The following TBC1D4 variants were observed in gnomAD, a reference collection of about 807,000 sequenced individuals.
The protein encoded by TBC1D4 is TBC (Tre-2, BUB2, CDC16) domain-containing protein.
A neutral mutation model predicts 142.5 loss-of-function variants in TBC1D4; 121 were observed. That is an observed-to-expected ratio of 0.85 (90% CI 0.73 to 0.99). TBC1D4 has a LOEUF of 0.99. TBC1D4 is among the 50% of genes least tolerant of loss of function. The pLI is 0.00. For missense variants in TBC1D4, 1,475 were observed against 1,606.6 expected, an observed-to-expected ratio of 0.92 and a Z score of 1.40; for synonymous variants, 630 against 628.2, an observed-to-expected ratio of 1.00 and a Z score of -0.04.
Position 75,362,358 on chromosome 13 carries a change from C to T in TBC1D4, c.748G>A (p.Glu250Lys). ...QGEQRGPDPGEDLADLEVVVP... is the reference protein window; with the variant it reads ...QGEQRGPDPGKDLADLEVVVP... ...ACCACCTCCAAGTCAGCCAGGTCCT[C>T]TCCTGGGTCCGGACCGCGCTGCTCC... Residue 250 changes from glutamate (E) to lysine (K), a missense_variant, in exon 2 of 21, where the codon GAG becomes AAG. By Grantham distance (56) the Glu-to-Lys change is moderately conservative. Around this residue, in one of 2 missense-constraint regions of TBC1D4, gnomAD observed 1,227 missense variants for 1,267.7 expected, o/e 0.97. Coordinates refer to ENST00000377636, the MANE Select transcript of TBC1D4 (RefSeq NM_014832.5). This position sits in a 1 kb window ranked among gnomAD's most constrained non-coding sequence, Gnocchi z 4.2. 6.2e-7 allele frequency: 1 copy of T among 1,614,230 alleles called. No individual in the cohort carries two copies. The highest frequency in any genetic ancestry group is 8.5e-7 in the Non-Finnish European group (1 of 1,180,052).
At chr13:75,412,233 T>C (rs1885705032) in intron 1 of TBC1D4, among the ~76,000 whole-genome samples, 1 of 152,144 alleles carries the variant, frequency 6.6e-6, no homozygotes, top group African/African-American at 2.4e-5. Context: ...AAGTAACCCC[T>C]TTATGGCTTC....
intron 1 of TBC1D4, among the ~76,000 whole-genome samples, chr13:75,408,613 G>T (rs1885450993): frequency 1.3e-5 from 2 of 152,100 alleles, no homozygotes; most frequent in African/African-American, 4.8e-5. Flanking sequence ...GAGTTAACTG[G>T]TAACTCTATG....
Position 75,481,418 on chromosome 13 carries a change from A to G in TBC1D4, c.350T>C (p.Phe117Ser), listed in dbSNP as rs755493386. The G allele has an allele frequency of 1.9e-6, 3 of 1,613,706 alleles. No individual in the cohort carries two copies. In the East Asian group the frequency reaches 6.7e-5, roughly 36 times the overall value. Reference protein sequence around the residue: ...PSATQPNPAVFIFEHKAQHIS... With the variant: ...PSATQPNPAVSIFEHKAQHIS... ...ATGCTGCGCCTTGTGCTCGAAGATGAATACCGCCGGGTTGGGCTGCGTGGC... is the reference window on the plus strand; with the variant it reads ...ATGCTGCGCCTTGTGCTCGAAGATGGATACCGCCGGGTTGGGCTGCGTGGC... The change falls in exon 1 of 21, where the codon TTC (phenylalanine) becomes TCC (serine). Residue 117 changes from phenylalanine to serine, a missense_variant. By Grantham distance (155) the Phe-to-Ser change is radical. This residue lies in a region of TBC1D4 where 1,227 missense variants were observed against 1,267.7 expected (regional missense o/e 0.97). Transcript: ENST00000377636.
intron 11 of TBC1D4, among the ~76,000 whole-genome samples, chr13:75,320,458 A>G (rs1878656627): frequency 6.6e-6 from 1 of 152,212 alleles, no homozygotes; most frequent in African/African-American, 2.4e-5. Context: ...TTACCATAAC[A>G]TTATATAAAA....
At chr13:75,374,069 C>T (rs1415988228) in intron 1 of TBC1D4, among the ~76,000 whole-genome samples, 3 of 152,176 alleles carry the variant, frequency 2.0e-5, no homozygotes, top group Non-Finnish European at 4.4e-5. Context: ...TATAATACTT[C>T]CACAAGCAAT....
intron 1 of TBC1D4, among the ~76,000 whole-genome samples, chr13:75,387,208 G>T (rs1884230580): frequency 6.6e-6 from 1 of 152,110 alleles, no homozygotes; most frequent in African/African-American, 2.4e-5. Context: ...ATAAAAGGTA[G>T]CTGGATTCCC....
At chr13:75,371,638 A>G (rs993575682) in intron 1 of TBC1D4, among the ~76,000 whole-genome samples, 1 of 152,154 alleles carries the variant, frequency 6.6e-6, no homozygotes, top group Non-Finnish European at 1.5e-5. Flanking sequence ...CATCTTTAGG[A>G]TCCTCAAGCT....
At chr13:75,364,158 G>T (rs575741338) in intron 1 of TBC1D4, among the ~76,000 whole-genome samples, 9 of 152,280 alleles carry the variant, frequency 5.9e-5, no homozygotes, top group East Asian at 1.9e-4. Context: ...ATTGGCAATT[G>T]GTTCCTAGAG....
At chr13:75,348,925 G>A (rs1269479203) in intron 5 of TBC1D4, among the ~76,000 whole-genome samples, 1 of 150,164 alleles carries the variant, frequency 6.7e-6, no homozygotes, top group Non-Finnish European at 1.5e-5. Context: ...GAGAGAGAGA[G>A]AGAGGAGAGA....
chr13:75,425,669 G>A (rs2138138722), intron 1 of TBC1D4, among the ~76,000 whole-genome samples: 1 of 152,240 alleles, frequency 6.6e-6, no homozygotes, highest in East Asian at 1.9e-4. Context: ...CAACAGCATG[G>A]ATGAACTTGG....
intron 8 of TBC1D4, among the ~76,000 whole-genome samples, chr13:75,336,399 G>T (rs1566393476): frequency 5.1e-5 from 7 of 137,570 alleles, no homozygotes; most frequent in East Asian, 2.1e-4. Flanking sequence ...TCGTCTCAAG[G>T]AAAAAAAAAA....
chr13:75,393,609 T>C (rs1265607890), intron 1 of TBC1D4, among the ~76,000 whole-genome samples: 2 of 152,104 alleles, frequency 1.3e-5, no homozygotes, highest in Non-Finnish European at 2.9e-5. Flanking sequence ...AGGTTCCACA[T>C]TCTTGGGGAA....
Position 75,312,667 on chromosome 13 carries a change from C to T in TBC1D4, c.2383+71G>A, listed in dbSNP as rs915065708. 5.0e-6 allele frequency: 8 copies of T among 1,585,120 alleles called. No homozygotes were observed. In the Admixed American group the frequency reaches 1.3e-4, roughly 26 times the overall value. On this transcript the variant is annotated intron_variant, in intron 13 of 20. Transcript: ENST00000377636. ...GTAATCACTTAAATCTCTTTATACA[C>T]AGCACGTGCATTCCATTAGCTAATT... is the stretch of plus-strand genomic sequence containing the variant.
chr13:75,304,776 G>GTA (rs1876993036), intron 15 of TBC1D4, among the ~76,000 whole-genome samples: 1 of 152,018 alleles, frequency 6.6e-6, no homozygotes, highest in African/African-American at 2.4e-5. Context: ...AAAGGGAGAT[G>GTA]GGAAATGAGA....
In TBC1D4 at chr13:75,481,564, C is replaced by T. The variant is rs780002603; in HGVS notation, c.204G>A (p.Lys68=). Residue 68 remains lysine, a synonymous_variant, in exon 1 of 21, where the codon AAG becomes AAA. Coordinates refer to ENST00000377636, the MANE Select transcript of TBC1D4 (RefSeq NM_014832.5). ...LMAEIRRRSQ[K]PEAGGCGAPA... The stretch of plus-strand genomic sequence containing the variant: ...GCGCCCCGCAGCCGCCCGCCTCGGG[C>T]TTCTGGCTGCGCCTGCGGATCTCGG... The T allele has an allele frequency of 1.3e-6, 2 of 1,599,058 alleles. No homozygotes were observed. Among genetic ancestry groups the T allele is most frequent in the East Asian group, 4.5e-5 (2 of 44,180 alleles).
intron 1 of TBC1D4, among the ~76,000 whole-genome samples, chr13:75,417,016 T>G (rs1231919162): frequency 2.0e-5 from 3 of 152,192 alleles, no homozygotes; most frequent in Admixed American, 6.5e-5. Context: ...TGGACCCTCC[T>G]TGACATGCCC....
intron 8 of TBC1D4, among the ~76,000 whole-genome samples, chr13:75,334,365 T>G (rs761408135): frequency 2.0e-5 from 3 of 152,228 alleles, no homozygotes; most frequent in Admixed American, 6.5e-5. Flanking sequence ...TTAGCCATGT[T>G]TCTCAGAATC....
At position 75,481,891 on chromosome 13, in the gene TBC1D4, C is replaced by T. The variant is rs994906018; in HGVS notation, c.-124G>A. 1.4e-5 allele frequency: 18 copies of T among 1,324,978 alleles called. No individual in the cohort carries two copies. The highest frequency in any genetic ancestry group is 1.7e-5 in the Non-Finnish European group (18 of 1,031,210). The allele number at this position is 1,324,978 out of a possible 1,614,324, so 82.1% of individuals were successfully genotyped here. A position where few individuals can be genotyped will look rare whatever the true frequency, so the allele number is the denominator to read the frequency against. ...CCGGGCTCCCGCGCCTGCCTGGGAG[C>T]GGCGCGACCCCGAACTCCGCGCTTC... On this transcript the variant is annotated 5_prime_UTR_variant, in exon 1 of 21. Coordinates refer to ENST00000377636, the MANE Select transcript of TBC1D4 (RefSeq NM_014832.5).
intron 1 of TBC1D4, among the ~76,000 whole-genome samples, chr13:75,470,891 G>A (rs1430831615): frequency 1.3e-5 from 2 of 151,910 alleles, no homozygotes; most frequent in East Asian, 3.9e-4. Context: ...GGAGGCTGGG[G>A]CACAAGAATC....
Sources: gnomAD v4.1 joint callset for allele counts (sites outside exome capture counted in the v4.1 genomes callset) on GRCh38, gnomAD v4.1.1 for gene constraint, gnomAD v4.1.1 regional missense constraint, Gnocchi (gnomAD v3.1) non-coding constraint, MANE v1.5 for transcripts, NCBI Gene and HGNC (gene_info 2026-07-23, HGNC 2026-07-21) for gene names.